The following CTNNA2 variants were observed in gnomAD, a reference collection of about 807,000 sequenced individuals.
CTNNA2 encodes catenin alpha 2.
In CTNNA2, 42 loss-of-function variants were observed where a neutral mutation model predicts 101.0. That is an observed-to-expected ratio of 0.42 (90% CI 0.32 to 0.54). CTNNA2 has a LOEUF of 0.54. Among genes scored for constraint, CTNNA2 ranks in the 20% least tolerant of loss-of-function variants. The probability of loss-of-function intolerance (pLI) is 0.14; values close to 1 mark genes in which losing one functional copy is unlikely to be tolerated. For missense variants in CTNNA2, 871 were observed against 1,223.1 expected (o/e 0.71, Z 4.29); for synonymous variants, 450 against 456.4 (o/e 0.99, Z 0.18).
At chr2:80,539,472 C>T (rs1323129712) in intron 9 of CTNNA2, among the ~76,000 whole-genome samples, 2 of 151,076 alleles carry the variant, frequency 1.3e-5, no homozygotes, top group South Asian at 4.2e-4. Context: ...AACAGGCAAT[C>T]GTAAAATAAA....
At chr2:80,037,924 T>C (rs1461635187) in intron 7 of CTNNA2, among the ~76,000 whole-genome samples, 1 of 152,220 alleles carries the variant, frequency 6.6e-6, no homozygotes, top group African/African-American at 2.4e-5. Context: ...CTTAGAATGA[T>C]GTGTGAAATA....
Position 80,303,681 on chromosome 2 carries a change from C to T in CTNNA2, c.1057-89530C>T. On this transcript the variant is annotated intron_variant, in intron 7 of 18. Transcript: ENST00000402739. This position sits in a 1 kb window ranked among gnomAD's most constrained non-coding sequence, Gnocchi z 7.7. ...AGCGCCTCGCAGTACAGCAGCCGCC[C>T]CTCGCACCGGCACAGCTGCGGGCAC... 6.2e-7 allele frequency: 1 copy of T among 1,611,196 alleles called. No homozygotes were observed. The highest frequency in any genetic ancestry group is 8.5e-7 in the Non-Finnish European group (1 of 1,178,330).
At chr2:80,452,322 A>C (rs1349990920) in intron 9 of CTNNA2, among the ~76,000 whole-genome samples, 1 of 151,554 alleles carries the variant, frequency 6.6e-6, no homozygotes, top group Non-Finnish European at 1.5e-5. Context: ...TGTGTCTCCT[A>C]TTTGACAGGC....
rs529775101 is a variant in CTNNA2, at chr2:80,285,009, T to C, written c.1057-108202T>C. ...CATTGCAAGAATCAGGAAGGTTGTCTGTAGGCCAAAAAGGAGGGGCTCTTT... is the reference window on the plus strand; with the variant it reads ...CATTGCAAGAATCAGGAAGGTTGTCCGTAGGCCAAAAAGGAGGGGCTCTTT... On this transcript the variant is annotated intron_variant, in intron 7 of 18. Transcript: ENST00000402739. Among the ~76,000 whole-genome samples, 8 of 152,236 alleles carry C rather than the reference T, an allele frequency of 5.3e-5. No homozygotes were observed. In the South Asian group the frequency reaches 1.7e-3, roughly 32 times the overall value.
chr2:80,451,151 C>T (rs983373729), intron 9 of CTNNA2, among the ~76,000 whole-genome samples: 12 of 152,056 alleles, frequency 7.9e-5, no homozygotes, highest in Admixed American at 7.9e-4. Context: ...ATAATACTGA[C>T]TGATACGGTT....
intron 3 of CTNNA2, among the ~76,000 whole-genome samples, chr2:79,315,183 C>A (rs761297243): frequency 3.9e-5 from 6 of 152,090 alleles, no homozygotes; most frequent in Non-Finnish European, 8.8e-5. Context: ...GTTGGCCCCA[C>A]CATTCTTATA....
At chr2:80,235,068 T>A (rs931811716) in intron 7 of CTNNA2, among the ~76,000 whole-genome samples, 1 of 152,200 alleles carries the variant, frequency 6.6e-6, no homozygotes, top group Non-Finnish European at 1.5e-5. Context: ...CCAATTCTTA[T>A]GTTTATTAAA....
chr2:79,796,912 A>G (rs1173347786), intron 3 of CTNNA2, among the ~76,000 whole-genome samples: 2 of 152,166 alleles, frequency 1.3e-5, no homozygotes, highest in Non-Finnish European at 1.5e-5. Flanking sequence ...TGAGATAGAT[A>G]TGACTCATGA....
At chr2:80,344,170 T>C (rs1357713978) in intron 7 of CTNNA2, among the ~76,000 whole-genome samples, 4 of 152,146 alleles carry the variant, frequency 2.6e-5, no homozygotes. Context: ...CTTCTTTCAA[T>C]TGGCTTCCGG....
intron 7 of CTNNA2, among the ~76,000 whole-genome samples, chr2:80,275,950 A>T (rs1342821538): frequency 1.3e-5 from 2 of 152,064 alleles, no homozygotes; most frequent in African/African-American, 4.8e-5. Flanking sequence ...GAATTTCATT[A>T]GGAGATTTTT....
At chr2:79,271,953 C>T (rs573362080) in intron 2 of CTNNA2, among the ~76,000 whole-genome samples, 33 of 152,120 alleles carry the variant, frequency 2.2e-4, no homozygotes, top group African/African-American at 4.6e-4. Context: ...TAACCTTCCT[C>T]GTCTCCCATC....
chr2:79,721,511 A>G (rs1042770524), intron 2 of CTNNA2, among the ~76,000 whole-genome samples: 2 of 152,226 alleles, frequency 1.3e-5, no homozygotes, highest in Admixed American at 1.3e-4. Context: ...CCAACACATG[A>G]AATGTGGGGG....
chr2:80,052,089 C>T (rs1696913335), intron 7 of CTNNA2, among the ~76,000 whole-genome samples: 1 of 152,098 alleles, frequency 6.6e-6, no homozygotes, highest in Non-Finnish European at 1.5e-5. Context: ...TAGAATGTGA[C>T]CTTTAACAGC....
At chr2:80,507,277 A>T (rs1688352376) in intron 9 of CTNNA2, among the ~76,000 whole-genome samples, 1 of 150,866 alleles carries the variant, frequency 6.6e-6, no homozygotes, top group South Asian at 2.1e-4. Context: ...ACTCTTTACC[A>T]CTACCACCAC....
intron 7 of CTNNA2, among the ~76,000 whole-genome samples, chr2:80,249,402 G>A (rs2149103763): frequency 6.6e-6 from 1 of 152,248 alleles, no homozygotes; most frequent in South Asian, 2.1e-4. Flanking sequence ...ATATTGCTTT[G>A]CGAAGGGAGC....
At chr2:80,328,427 G>C in intron 7 of CTNNA2, 1 of 470,142 alleles carries the variant, frequency 2.1e-6, no homozygotes, top group Admixed American at 2.3e-5. Context: ...CAGACTGAGG[G>C]ACCTACTGAG....
intron 2 of CTNNA2, among the ~76,000 whole-genome samples, chr2:79,214,089 G>T (rs1048073984): frequency 5.9e-5 from 9 of 152,152 alleles, no homozygotes; most frequent in Non-Finnish European, 1.0e-4. Flanking sequence ...TGAGGTTTGG[G>T]AGATTAGTCG....
At chr2:80,557,306 C>A (rs545669507) in intron 12 of CTNNA2, among the ~76,000 whole-genome samples, 1 of 152,286 alleles carries the variant, frequency 6.6e-6, no homozygotes, top group Non-Finnish European at 1.5e-5. Flanking sequence ...ACAAAGCAAG[C>A]CATACAGTAT....
intron 6 of CTNNA2, among the ~76,000 whole-genome samples, chr2:79,900,433 T>C (rs1684997190): frequency 6.6e-6 from 1 of 152,186 alleles, no homozygotes; most frequent in South Asian, 2.1e-4. Context: ...CTTTAACAAA[T>C]TTTGATCCCA....
Sources: allele counts gnomAD v4.1 joint callset (sites outside exome capture counted in the v4.1 genomes callset), GRCh38; gene constraint gnomAD v4.1.1; non-coding constraint Gnocchi (gnomAD v3.1); transcripts MANE v1.5; gene names NCBI Gene and HGNC (gene_info 2026-07-23, HGNC 2026-07-21).